The following CSMD1 variants were observed in gnomAD, a reference collection of about 807,000 sequenced individuals.
CSMD1 encodes the protein CUB and Sushi multiple domains 1.
In CSMD1, 213 loss-of-function variants were observed where a neutral mutation model predicts 417.5. The ratio of observed to expected loss-of-function variants is 0.51; its 90% CI spans 0.46 to 0.57. The LOEUF (loss-of-function observed/expected upper bound fraction) is 0.57, where lower values mean the gene tolerates loss of function less well. Ranked by LOEUF, CSMD1 falls within the 20% of genes least tolerant of loss-of-function variation. The pLI is 0.00. For missense variants in CSMD1, 6,923 were observed against 4,529.7 expected (o/e 1.53, Z -15.17); for synonymous variants, 2,862 against 1,736.8 (o/e 1.65, Z -16.11).
chr8:2,955,475 C>T, intron 64 of CSMD1, 114 bp downstream of exon 64: 8 of 978,100 alleles, frequency 8.2e-6, no homozygotes, highest in Non-Finnish European at 1.2e-5. Context: ...GGTGGCGATG[C>T]TGCAGCCTCA....
intron 46 of CSMD1, among the ~76,000 whole-genome samples, chr8:3,102,939 C>G (rs1360945630): frequency 6.6e-6 from 1 of 152,096 alleles, no homozygotes; most frequent in Non-Finnish European, 1.5e-5. Flanking sequence ...TGAAGAAACT[C>G]CCCAGGCCTC....
intron 7 of CSMD1, among the ~76,000 whole-genome samples, chr8:3,694,206 G>C (rs1212263376): frequency 6.6e-6 from 1 of 152,062 alleles, no homozygotes; most frequent in African/African-American, 2.4e-5. Flanking sequence ...AGATGGGGCA[G>C]GGACCTCTGA....
chr8:3,608,947 G>A (rs968685950), intron 8 of CSMD1, among the ~76,000 whole-genome samples: 1 of 152,000 alleles, frequency 6.6e-6, no homozygotes, highest in African/African-American at 2.4e-5. Flanking sequence ...TGAGCTCAAG[G>A]GCAAATTTCA....
At chr8:3,995,700 G>A (rs572438624) in intron 5 of CSMD1, among the ~76,000 whole-genome samples, 51 of 152,298 alleles carry the variant, frequency 3.3e-4, no homozygotes, top group African/African-American at 1.2e-3. Context: ...ACAATAGTAA[G>A]AATAATGACC....
intron 5 of CSMD1, among the ~76,000 whole-genome samples, chr8:3,803,879 A>G (rs76179280): frequency 6.6e-6 from 1 of 152,266 alleles, no homozygotes; most frequent in African/African-American, 2.4e-5. Context: ...GAGGAATTTG[A>G]CTTGAGTGAC....
At chr8:3,527,825 C>G (rs978380113) in intron 10 of CSMD1, among the ~76,000 whole-genome samples, 9 of 152,140 alleles carry the variant, frequency 5.9e-5, no homozygotes, top group Non-Finnish European at 1.2e-4. Flanking sequence ...TGTTTAATAA[C>G]AGTAGATGTG....
At position 4,994,541 on chromosome 8, in the gene CSMD1, G is replaced by C. The variant is rs879885700; in HGVS notation, c.-125C>G. On this transcript the variant is annotated 5_prime_UTR_variant, in exon 1 of 70. Coordinates refer to ENST00000635120, the MANE Select transcript of CSMD1 (RefSeq NM_033225.6). ...GAGAGAGAGCCCGGTCCCAAGACCCGCCGCGCATCCGACGCCTCCTGAAGG... is the reference window on the plus strand; with the variant it reads ...GAGAGAGAGCCCGGTCCCAAGACCCCCCGCGCATCCGACGCCTCCTGAAGG... 1.2e-6 allele frequency: 1 copy of C among 844,840 alleles called. No homozygotes were observed. Among genetic ancestry groups the C allele is most frequent in the Non-Finnish European group, 1.9e-6 (1 of 534,256 alleles). 52.3% of individuals were successfully genotyped at this position (844,840 alleles called of 1,614,324 possible).
At chr8:4,043,662 G>C (rs1318515483) in intron 3 of CSMD1, among the ~76,000 whole-genome samples, 1 of 152,126 alleles carries the variant, frequency 6.6e-6, no homozygotes, top group Non-Finnish European at 1.5e-5. Flanking sequence ...GGTGGTTCCT[G>C]GGTGAAACCA....
intron 6 of CSMD1, among the ~76,000 whole-genome samples, chr8:3,748,602 A>G (rs1797170562): frequency 6.6e-6 from 1 of 152,216 alleles, no homozygotes; most frequent in South Asian, 2.1e-4. Flanking sequence ...ATGCCACCAG[A>G]ATCCAGGTAT....
At chr8:3,009,214 G>C (rs672725) in intron 52 of CSMD1, among the ~76,000 whole-genome samples, 17,782 of 152,194 alleles carry the variant, frequency 0.12, 2,950 homozygotes, top group African/African-American at 0.37. Context: ...TGAAGCTCAC[G>C]TCTTCAGTGT....
chr8:4,069,184 A>C (rs188905736), intron 3 of CSMD1, among the ~76,000 whole-genome samples: 15 of 152,300 alleles, frequency 9.8e-5, no homozygotes, highest in Admixed American at 7.8e-4. Context: ...GTAGGCATAA[A>C]ACCACATACT....
chr8:4,675,531 T>C (rs74855240), intron 1 of CSMD1, among the ~76,000 whole-genome samples: 7,919 of 152,158 alleles, frequency 0.052, 224 homozygotes, highest in East Asian at 0.098. Flanking sequence ...GAGGGACAAG[T>C]TCTGAGAATG....
chr8:3,654,170 G>T (rs7813880), intron 7 of CSMD1, among the ~76,000 whole-genome samples: 25,715 of 152,156 alleles, frequency 0.17, 2,463 homozygotes, highest in East Asian at 0.31. Flanking sequence ...ACACATCACT[G>T]AAGACATCAT....
chr8:3,446,556 G>A (rs1406179181), intron 12 of CSMD1, among the ~76,000 whole-genome samples: 1 of 152,184 alleles, frequency 6.6e-6, no homozygotes, highest in African/African-American at 2.4e-5. Flanking sequence ...GGTAGTGACA[G>A]GATAAACCAC....
intron 3 of CSMD1, among the ~76,000 whole-genome samples, chr8:4,125,611 G>A (rs544119635): frequency 1.3e-5 from 2 of 152,254 alleles, no homozygotes; most frequent in East Asian, 3.9e-4. Flanking sequence ...TATAACTGAG[G>A]AAATTATGTC....
chr8:4,924,736 A>AG (rs1806738116), intron 1 of CSMD1, among the ~76,000 whole-genome samples: 1 of 151,468 alleles, frequency 6.6e-6, no homozygotes, highest in Non-Finnish European at 1.5e-5. Flanking sequence ...AAAAAAAAAA[A>AG]AAAAAAAAAC....
chr8:3,621,947 G>A (rs1796262682), intron 7 of CSMD1, among the ~76,000 whole-genome samples: 2 of 150,706 alleles, frequency 1.3e-5, no homozygotes, highest in South Asian at 2.1e-4. Context: ...CAAGCCTGAT[G>A]TTACTTCTGT....
chr8:3,534,270 T>C (rs1219330789), intron 10 of CSMD1, among the ~76,000 whole-genome samples: 2 of 152,202 alleles, frequency 1.3e-5, no homozygotes. Flanking sequence ...CTTATTAATC[T>C]TTCTTTTGAA....
At chr8:4,575,667 G>A (rs1585273130) in intron 2 of CSMD1, among the ~76,000 whole-genome samples, 1 of 152,246 alleles carries the variant, frequency 6.6e-6, no homozygotes, top group South Asian at 2.1e-4. Flanking sequence ...GAATAAAATT[G>A]TCTAAATACA....
Sources: allele counts gnomAD v4.1 joint callset (sites outside exome capture counted in the v4.1 genomes callset), GRCh38; gene constraint gnomAD v4.1.1; transcripts MANE v1.5; gene names NCBI Gene and HGNC (gene_info 2026-07-23, HGNC 2026-07-21).